Variants in MAPK10 observed in about 807,000 individuals in gnomAD.
MAPK10 encodes the protein JNK3 alpha protein kinase.
In MAPK10, 25 loss-of-function variants were observed where a neutral mutation model predicts 59.3. The observed-to-expected ratio is 0.42, with a 90% CI of 0.31 to 0.59. The LOEUF is 0.59. Among genes scored for constraint, MAPK10 ranks in the 20% least tolerant of loss-of-function variants. The pLI, the probability that MAPK10 is intolerant of heterozygous loss-of-function variation, is 0.15. For synonymous variants in MAPK10, 190 were observed against 200.5 expected (o/e 0.95, Z 0.44); for missense variants, 351 against 568.9 (o/e 0.62, Z 3.90).
Position 86,067,709 on chromosome 4 carries a change from T to C in MAPK10, c.985+64A>G, listed in dbSNP as rs184484157. ...AAAGAGAAAGAGATAGAGGTCTCTATACTGTGTGCTTGTTTGGCCCGTCAC... is the reference window on the plus strand; with the variant it reads ...AAAGAGAAAGAGATAGAGGTCTCTACACTGTGTGCTTGTTTGGCCCGTCAC... On this transcript the variant is annotated intron_variant, in intron 10 of 13. Transcript: ENST00000641462. The C allele has an allele frequency of 3.5e-5, 48 of 1,355,536 alleles. No homozygotes were observed. The Middle Eastern group carries it at 1.1e-3, about 30-fold the overall frequency. 84.0% of individuals were successfully genotyped at this position (1,355,536 alleles called of 1,614,324 possible).
Position 86,181,879 on chromosome 4 carries a change from T to C in MAPK10, c.66+12457A>G, listed in dbSNP as rs2077007971. ...ATTATTTCTCTGTGAATATATCTCCTGGTTAAAATCCTGAATAATCTGTTC... is the reference window on the plus strand; with the variant it reads ...ATTATTTCTCTGTGAATATATCTCCCGGTTAAAATCCTGAATAATCTGTTC... On this transcript the variant is annotated intron_variant, in intron 3 of 13. Transcript: ENST00000641462. Among the ~76,000 whole-genome samples the C allele has an allele frequency of 2.0e-5, 3 of 152,138 alleles. No homozygotes were observed. The South Asian group carries it at 6.2e-4, about 32-fold the overall frequency.
intron 11 of MAPK10, among the ~76,000 whole-genome samples, chr4:86,046,285 A>C (rs2042484213): frequency 6.6e-6 from 1 of 151,616 alleles, no homozygotes; most frequent in Non-Finnish European, 1.5e-5. Context: ...TCCTATTTGA[A>C]TACGCTTTAT....
intron 8 of MAPK10, 128 bp from the exon 9 acceptor site, chr4:86,098,723 G>C: frequency 1.3e-6 from 1 of 766,374 alleles, no homozygotes; most frequent in Non-Finnish European, 2.2e-6. Context: ...CCCACCAAAA[G>C]TTGGCCAAAA....
chr4:86,533,569 G>A (rs1202301686), intron 1 of MAPK10, among the ~76,000 whole-genome samples: 1 of 152,138 alleles, frequency 6.6e-6, no homozygotes, highest in East Asian at 1.9e-4. Flanking sequence ...CCCCTACTGT[G>A]ATATCCTAAG....
At chr4:86,350,579 C>T (rs1169745536) in intron 2 of MAPK10, among the ~76,000 whole-genome samples, 1 of 152,092 alleles carries the variant, frequency 6.6e-6, no homozygotes, top group East Asian at 1.9e-4. Context: ...AAACTCCTGA[C>T]CTCAGCTGAT....
At chr4:86,289,464 G>C (rs2095147445) in intron 2 of MAPK10, among the ~76,000 whole-genome samples, 1 of 151,860 alleles carries the variant, frequency 6.6e-6, no homozygotes, top group African/African-American at 2.4e-5. Flanking sequence ...GAAATTAGGA[G>C]ACAGTTTCTA....
intron 1 of MAPK10, among the ~76,000 whole-genome samples, chr4:86,474,061 A>G (rs1253893754): frequency 6.6e-6 from 1 of 152,202 alleles, no homozygotes; most frequent in Non-Finnish European, 1.5e-5. Flanking sequence ...GTTATTCACA[A>G]ATGGGATCAT....
At chr4:86,591,401 TCTCA>T (rs1763037942) in intron 1 of MAPK10, among the ~76,000 whole-genome samples, 1 of 152,148 alleles carries the variant, frequency 6.6e-6, no homozygotes, top group Non-Finnish European at 1.5e-5. Context: ...TGAGACAGGA[TCTCA>T]CTCTGTTGCC....
intron 1 of MAPK10, among the ~76,000 whole-genome samples, chr4:86,392,883 T>C (rs1742425608): frequency 6.6e-6 from 1 of 152,128 alleles, no homozygotes; most frequent in African/African-American, 2.4e-5. Flanking sequence ...TTTGGGGAGA[T>C]GGAGAGAGGT....
chr4:86,413,639 C>CT (rs1380048264), intron 1 of MAPK10, among the ~76,000 whole-genome samples: 1 of 152,238 alleles, frequency 6.6e-6, no homozygotes, highest in Non-Finnish European at 1.5e-5. Flanking sequence ...ACCCCTCCCC[C>CT]TGTCAAGCTG....
chr4:86,432,510 C>T (rs893764398), intron 1 of MAPK10, among the ~76,000 whole-genome samples: 4 of 152,164 alleles, frequency 2.6e-5, no homozygotes, highest in African/African-American at 4.8e-5. Context: ...AAACACCAGA[C>T]CTCAGGTGAT....
At chr4:86,473,087 T>G (rs1446487014) in intron 1 of MAPK10, among the ~76,000 whole-genome samples, 1 of 152,212 alleles carries the variant, frequency 6.6e-6, no homozygotes, top group Non-Finnish European at 1.5e-5. Context: ...GGAGAAAATA[T>G]TACCTGTTAT....
At chr4:86,446,374 C>T (rs1227751159) in intron 1 of MAPK10, among the ~76,000 whole-genome samples, 2 of 152,132 alleles carry the variant, frequency 1.3e-5, no homozygotes, top group Admixed American at 6.6e-5. Context: ...TTACCTAACA[C>T]ATTCAAGAAT....
At chr4:86,375,856 T>C (rs552396619) in intron 1 of MAPK10, among the ~76,000 whole-genome samples, 2 of 152,076 alleles carry the variant, frequency 1.3e-5, no homozygotes, top group Non-Finnish European at 2.9e-5. Flanking sequence ...CATACAACTT[T>C]CTGTAATGAA....
chr4:86,411,658 C>T (rs1354369278), intron 1 of MAPK10, among the ~76,000 whole-genome samples: 3 of 152,242 alleles, frequency 2.0e-5, no homozygotes, highest in Non-Finnish European at 4.4e-5. Flanking sequence ...ATGTAATGGC[C>T]TTCTTTGTCT....
At chr4:86,586,969 C>A (rs1025562297) in intron 1 of MAPK10, among the ~76,000 whole-genome samples, 1 of 152,054 alleles carries the variant, frequency 6.6e-6, no homozygotes, top group African/African-American at 2.4e-5. Flanking sequence ...AAAATTAAGT[C>A]CAAAAATTAT....
At chr4:86,212,938 A>T (rs1253439301) in intron 2 of MAPK10, among the ~76,000 whole-genome samples, 1 of 152,182 alleles carries the variant, frequency 6.6e-6, no homozygotes, top group Non-Finnish European at 1.5e-5. Flanking sequence ...CAATATTCTC[A>T]AGTGCACATG....
At chr4:86,397,345 G>A (rs1743075157) in intron 1 of MAPK10, among the ~76,000 whole-genome samples, 1 of 152,094 alleles carries the variant, frequency 6.6e-6, no homozygotes. Flanking sequence ...TCCTTCAAGT[G>A]TGTTACAGAT....
At chr4:86,350,129 G>A (rs1005742506) in intron 2 of MAPK10, among the ~76,000 whole-genome samples, 6 of 152,248 alleles carry the variant, frequency 3.9e-5, no homozygotes, top group Middle Eastern at 3.4e-3. Flanking sequence ...TCGATTCAAT[G>A]CAACCTCTGC....
Sources: gnomAD v4.1 joint callset for allele counts (sites outside exome capture counted in the v4.1 genomes callset) on GRCh38, gnomAD v4.1.1 for gene constraint, MANE v1.5 for transcripts, NCBI Gene and HGNC (gene_info 2026-07-23, HGNC 2026-07-21) for gene names.